Variants in LINGO2 observed in about 807,000 individuals in gnomAD.
The protein encoded by LINGO2 is leucine rich repeat and Ig domain containing 2, also known as leucine-rich repeat and immunoglobulin-like domain-containing nogo receptor-interacting protein 2.
Under a neutral mutation model 30.6 loss-of-function variants are expected in LINGO2, and 14 were observed. The ratio of observed to expected loss-of-function variants is 0.46; its 90% CI spans 0.30 to 0.72. LINGO2 has a LOEUF of 0.72. Ranked by LOEUF, LINGO2 falls within the 30% of genes least tolerant of loss-of-function variation. The probability of loss-of-function intolerance (pLI) is 0.07; values close to 1 mark genes in which losing one functional copy is unlikely to be tolerated. For synonymous variants in LINGO2, 317 were observed against 288.5 expected (o/e 1.10, Z -1.00); for missense variants, 729 against 751.7 (o/e 0.97, Z 0.35).
At chr9:28,482,997 A>C (rs1213268775) in intron 1 of LINGO2, among the ~76,000 whole-genome samples, 2 of 152,100 alleles carry the variant, frequency 1.3e-5, no homozygotes, top group Non-Finnish European at 2.9e-5. Context: ...TAACTTTATT[A>C]CCTGGTGGTA....
At chr9:29,003,560 T>G in the LINGO2 span, among the ~76,000 whole-genome samples, 1 of 152,006 alleles carries the variant, frequency 6.6e-6, no homozygotes, top group Non-Finnish European at 1.5e-5. Context: ...ACAAAGAAGC[T>G]GAGTTTCTCC....
At chr9:28,878,409 A>G in the LINGO2 span, among the ~76,000 whole-genome samples, 1 of 152,178 alleles carries the variant, frequency 6.6e-6, no homozygotes, top group East Asian at 1.9e-4. Flanking sequence ...TACCAGAGGT[A>G]CAAGGAGGAA....
intron 4 of LINGO2, among the ~76,000 whole-genome samples, chr9:28,242,034 G>T (rs1821819734): frequency 6.6e-6 from 1 of 152,098 alleles, no homozygotes; most frequent in South Asian, 2.1e-4. Context: ...ATGAAAAAAT[G>T]CTTGAAACCC....
At chr9:28,900,325 AG>A in the LINGO2 span, among the ~76,000 whole-genome samples, 3 of 152,174 alleles carry the variant, frequency 2.0e-5, no homozygotes, top group Middle Eastern at 3.2e-3. Context: ...TAGCCTCTGC[AG>A]ACCCAGGCTT....
rs532532119 is a variant in LINGO2 at position 28,486,750 on chromosome 9, A to T, written c.-364-10725T>A. ...GGGTTGACCCTCCTTCAACTCATGA[A>T]ACACAACCTCATGTTCCAAAAAACC... On this transcript the variant is annotated intron_variant, in intron 1 of 5. Transcript: ENST00000379992. 2.6e-5 allele frequency among the ~76,000 whole-genome samples: 4 copies of T among 152,276 alleles called. No homozygotes were observed. In the South Asian group the frequency reaches 8.3e-4, roughly 32 times the overall value.
the LINGO2 span, among the ~76,000 whole-genome samples, chr9:29,083,385 A>T: frequency 6.6e-6 from 1 of 152,264 alleles, no homozygotes; most frequent in East Asian, 1.9e-4. Context: ...CTGAACAATG[A>T]GAACACTTGG....
intron 1 of LINGO2, among the ~76,000 whole-genome samples, chr9:28,576,777 G>A (rs951720801): frequency 6.6e-5 from 10 of 152,128 alleles, no homozygotes; most frequent in Admixed American, 6.6e-5. Context: ...CTTCAGTTGG[G>A]ATCTGTGAGA....
intron 4 of LINGO2, among the ~76,000 whole-genome samples, chr9:28,242,150 A>G (rs1821823494): frequency 6.6e-6 from 1 of 152,320 alleles, no homozygotes; most frequent in African/African-American, 2.4e-5. Context: ...AGTAGGCTTC[A>G]GAAGGTGGGT....
At chr9:28,608,169 G>A (rs1050845305) in intron 1 of LINGO2, among the ~76,000 whole-genome samples, 8 of 150,388 alleles carry the variant, frequency 5.3e-5, no homozygotes, top group African/African-American at 9.8e-5. Context: ...AAAAAACTTA[G>A]TACTATCTTT....
intron 1 of LINGO2, among the ~76,000 whole-genome samples, chr9:28,553,338 C>A (rs1478223247): frequency 6.6e-6 from 1 of 151,918 alleles, no homozygotes; most frequent in Non-Finnish European, 1.5e-5. Context: ...GGCTCGAGAA[C>A]TACGTGAAGA....
intron 4 of LINGO2, among the ~76,000 whole-genome samples, chr9:28,230,720 G>C (rs1244981254): frequency 6.6e-6 from 1 of 151,776 alleles, no homozygotes; most frequent in African/African-American, 2.4e-5. Context: ...TTTACATTTA[G>C]AGAATTTCAT....
At chr9:28,577,415 C>T (rs980715133) in intron 1 of LINGO2, among the ~76,000 whole-genome samples, 1 of 152,214 alleles carries the variant, frequency 6.6e-6, no homozygotes, top group South Asian at 2.1e-4. Context: ...ATTCAGCCCA[C>T]GAGTACCATT....
the LINGO2 span, among the ~76,000 whole-genome samples, chr9:29,093,066 G>C: frequency 8.0e-6 from 1 of 125,688 alleles, no homozygotes; most frequent in Non-Finnish European, 1.7e-5. Flanking sequence ...TGGAGAGAGA[G>C]AGAGACAGAG....
chr9:28,603,134 G>A (rs541751582), intron 1 of LINGO2, among the ~76,000 whole-genome samples: 1 of 151,982 alleles, frequency 6.6e-6, no homozygotes, highest in Admixed American at 6.6e-5. Flanking sequence ...TGAAAATACA[G>A]GATGACATGT....
At chr9:29,205,022 C>T in the LINGO2 span, among the ~76,000 whole-genome samples, 1 of 152,026 alleles carries the variant, frequency 6.6e-6, no homozygotes, top group African/African-American at 2.4e-5. Flanking sequence ...GTTGTATTTT[C>T]CAGTGATTTT....
At chr9:28,241,135 G>A (rs1371199436) in intron 4 of LINGO2, among the ~76,000 whole-genome samples, 2 of 151,800 alleles carry the variant, frequency 1.3e-5, no homozygotes, top group Non-Finnish European at 2.9e-5. Context: ...TGGGTGTGAT[G>A]GTGTGCGCCT....
the LINGO2 span, among the ~76,000 whole-genome samples, chr9:28,803,317 G>T: frequency 6.6e-6 from 1 of 151,076 alleles, no homozygotes; most frequent in Admixed American, 6.6e-5. Context: ...GTGTGTGTGA[G>T]TGTGTTTGTG....
chr9:29,022,793 C>T, the LINGO2 span, among the ~76,000 whole-genome samples: 19 of 152,184 alleles, frequency 1.2e-4, no homozygotes, highest in Admixed American at 9.8e-4. Context: ...TTCTCTCTCC[C>T]TTGTGATATA....
chr9:28,315,785 T>C (rs946501636), intron 3 of LINGO2, among the ~76,000 whole-genome samples: 1 of 152,214 alleles, frequency 6.6e-6, no homozygotes, highest in Non-Finnish European at 1.5e-5. Context: ...TTTATCGTTT[T>C]CTAATTTCTA....
Sources: gnomAD v4.1 joint callset for allele counts (sites outside exome capture counted in the v4.1 genomes callset) on GRCh38, gnomAD v4.1.1 for gene constraint, MANE v1.5 for transcripts, NCBI Gene and HGNC (gene_info 2026-07-23, HGNC 2026-07-21) for gene names.